Variants in DPYD observed in about 807,000 individuals in gnomAD.
DPYD encodes dihydropyrimidine dehydrogenase.
A neutral mutation model predicts 116.2 loss-of-function variants in DPYD; 109 were observed. That is an observed-to-expected ratio of 0.94 (90% CI 0.80 to 1.10). The LOEUF is 1.10. Ranked by LOEUF, DPYD falls within the 50% of genes least tolerant of loss-of-function variation. The pLI is 0.00. For synonymous variants in DPYD, 440 were observed against 432.0 expected, an observed-to-expected ratio of 1.02 and a Z score of -0.23; for missense variants, 1,302 against 1,254.5, an observed-to-expected ratio of 1.04 and a Z score of -0.57.
chr1:97,316,320 T>C (rs991900934), intron 16 of DPYD, among the ~76,000 whole-genome samples: 2 of 145,664 alleles, frequency 1.4e-5, no homozygotes, highest in Non-Finnish European at 3.0e-5. Context: ...CAAATCCTTG[T>C]CTCTAGTAAA....
At chr1:97,360,392 C>A (rs541318405) in intron 16 of DPYD, among the ~76,000 whole-genome samples, 12 of 152,292 alleles carry the variant, frequency 7.9e-5, no homozygotes, top group Non-Finnish European at 1.6e-4. Flanking sequence ...TTAGACAGAT[C>A]AGTGAGACAG....
rs565752101 is a variant in DPYD at position 97,485,784 on chromosome 1, T to C, written c.1740+29942A>G. 6.6e-5 allele frequency among the ~76,000 whole-genome samples: 10 copies of C among 152,326 alleles called. No individual in the cohort carries two copies. In the East Asian group the frequency reaches 1.9e-3, roughly 29 times the overall value. ...ACTACAAGGCTGCCCCCAGATAGTT[T>C]CAGATATCTGCAGTTGGCTAAGTAA... On this transcript the variant is annotated intron_variant, in intron 13 of 22. Coordinates refer to ENST00000370192, the MANE Select transcript of DPYD (RefSeq NM_000110.4).
intron 13 of DPYD, among the ~76,000 whole-genome samples, chr1:97,515,197 T>A (rs1218164815): frequency 1.3e-5 from 2 of 151,992 alleles, no homozygotes; most frequent in Non-Finnish European, 2.9e-5. Context: ...GTTTATTTCC[T>A]ACTAAGTATA....
At chr1:97,318,610 A>G (rs1224096423) in intron 16 of DPYD, among the ~76,000 whole-genome samples, 8 of 151,960 alleles carry the variant, frequency 5.3e-5, no homozygotes, top group Non-Finnish European at 7.4e-5. Flanking sequence ...AAAGAGACTT[A>G]GACTCCCACA....
intron 18 of DPYD, among the ~76,000 whole-genome samples, chr1:97,247,582 T>C (rs1662802065): frequency 6.6e-6 from 1 of 152,200 alleles, no homozygotes; most frequent in Non-Finnish European, 1.5e-5. Context: ...ATTTCTAATG[T>C]ATCTAATACA....
intron 8 of DPYD, among the ~76,000 whole-genome samples, chr1:97,633,002 C>CA (rs925404022): frequency 1.5e-4 from 22 of 151,712 alleles, no homozygotes; most frequent in Non-Finnish European, 2.1e-4. Context: ...AATCTTAGCA[C>CA]AAAAAAAATG....
chr1:97,619,328 C>T (rs961854031), intron 8 of DPYD, among the ~76,000 whole-genome samples: 1 of 152,152 alleles, frequency 6.6e-6, no homozygotes, highest in African/African-American at 2.4e-5. Flanking sequence ...CTGACAACTA[C>T]TAGCTTATGA....
At chr1:97,707,098 C>A (rs140131281) in intron 5 of DPYD, among the ~76,000 whole-genome samples, 234 of 152,132 alleles carry the variant, frequency 1.5e-3, no homozygotes, top group Non-Finnish European at 1.1e-3. Context: ...TGAAAACTAA[C>A]CACAAATGTT....
intron 3 of DPYD, among the ~76,000 whole-genome samples, chr1:97,776,163 T>C (rs1408824708): frequency 1.3e-5 from 2 of 151,876 alleles, no homozygotes; most frequent in African/African-American, 4.9e-5. Flanking sequence ...CAAGAGCTGA[T>C]CAAATTTCTT....
At chr1:97,188,475 C>A (rs1207482124) in intron 20 of DPYD, among the ~76,000 whole-genome samples, 1 of 152,124 alleles carries the variant, frequency 6.6e-6, no homozygotes, top group Admixed American at 6.6e-5. Flanking sequence ...TAGGTGCTTG[C>A]AAACTCCAGT....
chr1:97,445,026 T>C (rs1676000593), intron 14 of DPYD, among the ~76,000 whole-genome samples: 1 of 152,178 alleles, frequency 6.6e-6, no homozygotes, highest in Non-Finnish European at 1.5e-5. Flanking sequence ...ACCTCTGCAC[T>C]TGAATAAACT....
At chr1:97,679,623 C>T (rs1275378488) in intron 7 of DPYD, among the ~76,000 whole-genome samples, 2 of 152,024 alleles carry the variant, frequency 1.3e-5, no homozygotes, top group Non-Finnish European at 2.9e-5. Flanking sequence ...TTCATTTTAG[C>T]TAAGCTTAGA....
intron 14 of DPYD, among the ~76,000 whole-genome samples, chr1:97,399,957 T>C (rs1199830210): frequency 6.6e-6 from 1 of 152,164 alleles, no homozygotes; most frequent in Non-Finnish European, 1.5e-5. Flanking sequence ...TCCTGCCTAA[T>C]TGCCCTGGCC....
chr1:97,698,369 A>C (rs575784232), intron 6 of DPYD, among the ~76,000 whole-genome samples: 1 of 151,864 alleles, frequency 6.6e-6, no homozygotes, highest in Non-Finnish European at 1.5e-5. Context: ...ATTTTATATT[A>C]TCTTGGGCTT....
chr1:97,674,271 T>C (rs1660024895), intron 8 of DPYD, among the ~76,000 whole-genome samples: 1 of 152,212 alleles, frequency 6.6e-6, no homozygotes, highest in Admixed American at 6.5e-5. Context: ...TATTCATCTC[T>C]ACAACACCTT....
At chr1:97,101,564 A>G (rs1171627328) in intron 20 of DPYD, among the ~76,000 whole-genome samples, 1 of 151,186 alleles carries the variant, frequency 6.6e-6, no homozygotes, top group African/African-American at 2.4e-5. Context: ...ATAGTTGGCC[A>G]CTGTGTGTGT....
chr1:97,135,718 T>C (rs1653735734), intron 20 of DPYD, among the ~76,000 whole-genome samples: 1 of 152,154 alleles, frequency 6.6e-6, no homozygotes. Context: ...AGAACAGGAT[T>C]TCTTGTTTTC....
intron 13 of DPYD, among the ~76,000 whole-genome samples, chr1:97,513,920 T>C (rs1467084273): frequency 6.6e-6 from 1 of 151,838 alleles, no homozygotes; most frequent in Non-Finnish European, 1.5e-5. Context: ...AAAATGGCAT[T>C]ACATAAGCCC....
intron 12 of DPYD, chr1:97,546,717 A>G: frequency 1.9e-6 from 3 of 1,613,254 alleles, no homozygotes; most frequent in Non-Finnish European, 2.5e-6. Context: ...CAGAGGAAGT[A>G]GAGCTGAAGT....
Sources: gnomAD v4.1 joint callset for allele counts (sites outside exome capture counted in the v4.1 genomes callset) on GRCh38, gnomAD v4.1.1 for gene constraint, MANE v1.5 for transcripts, NCBI Gene and HGNC (gene_info 2026-07-23, HGNC 2026-07-21) for gene names.